ATAD2B: variants seen among roughly 807,000 people sequenced by gnomAD.
The protein encoded by ATAD2B is ATPase family AAA domain containing 2B, also known as ATPase family AAA domain-containing protein 2B.
ATAD2B carries 40 observed loss-of-function variants against 167.6 expected under a neutral mutation model. That is an observed-to-expected ratio of 0.24 (90% CI 0.19 to 0.31). The LOEUF (loss-of-function observed/expected upper bound fraction) is 0.31, where lower values mean the gene tolerates loss of function less well. Among genes scored for constraint, ATAD2B ranks in the 10% least tolerant of loss-of-function variants. The pLI is 1.00. For missense variants in ATAD2B, 1,242 were observed against 1,757.2 expected, an observed-to-expected ratio of 0.71 and a Z score of 5.24; for synonymous variants, 579 against 596.5, an observed-to-expected ratio of 0.97 and a Z score of 0.43.
At chr2:23,924,390 G>C (rs1319457089) in intron 1 of ATAD2B, among the ~76,000 whole-genome samples, 3 of 152,224 alleles carry the variant, frequency 2.0e-5, no homozygotes, top group Non-Finnish European at 4.4e-5. Context: ...CACAGACATA[G>C]AGGGTGTCTT....
chr2:23,768,062 T>C (rs988179263), intron 22 of ATAD2B, among the ~76,000 whole-genome samples: 1 of 152,230 alleles, frequency 6.6e-6, no homozygotes, highest in Non-Finnish European at 1.5e-5. Flanking sequence ...AACAATTCTC[T>C]TTATGAACAA....
At chr2:23,790,123 G>A (rs1007784517) in intron 19 of ATAD2B, among the ~76,000 whole-genome samples, 8 of 152,104 alleles carry the variant, frequency 5.3e-5, no homozygotes, top group Non-Finnish European at 1.0e-4. Context: ...TTCTTTGAAA[G>A]TTCTGGAAGT....
At chr2:23,798,369 T>G (rs1464443730) in intron 18 of ATAD2B, 46 bp from the exon 19 acceptor site, 3 of 1,421,680 alleles carry the variant, frequency 2.1e-6, no homozygotes, top group Non-Finnish European at 2.9e-6. Flanking sequence ...AATTGATTAT[T>G]CTAAAGTCTA....
At chr2:23,926,449 C>T (rs1704837361) in intron 1 of ATAD2B, 106 bp downstream of exon 1, 6 of 1,435,916 alleles carry the variant, frequency 4.2e-6, no homozygotes, top group Non-Finnish European at 5.5e-6. Flanking sequence ...TCCAGCCGCC[C>T]GAGCGGTCTC....
downstream of ATAD2B, among the ~76,000 whole-genome samples, chr2:23,748,160 T>A (rs1675004582): frequency 6.6e-6 from 1 of 152,130 alleles, no homozygotes; most frequent in Non-Finnish European, 1.5e-5. Context: ...AAGATCAGTG[T>A]ACTACAGGAA....
intron 22 of ATAD2B, among the ~76,000 whole-genome samples, chr2:23,779,342 AT>A (rs1453577260): frequency 6.6e-6 from 1 of 151,278 alleles, no homozygotes; most frequent in Non-Finnish European, 1.5e-5. Flanking sequence ...CGCCTCGCTA[AT>A]TTTTTGTATT....
intron 8 of ATAD2B, among the ~76,000 whole-genome samples, chr2:23,874,620 T>C (rs182577060): frequency 6.4e-4 from 96 of 150,508 alleles, no homozygotes; most frequent in African/African-American, 2.1e-3. Context: ...GGAGGATTGT[T>C]TGAGTCCAGG....
chr2:23,855,812 C>G (rs975465095), intron 13 of ATAD2B, among the ~76,000 whole-genome samples: 6 of 152,104 alleles, frequency 3.9e-5, no homozygotes, highest in African/African-American at 1.4e-4. Flanking sequence ...TCACTTGGGC[C>G]TAGAAGTTTG....
At chr2:23,737,708 G>C in the ATAD2B span, among the ~76,000 whole-genome samples, 1 of 152,224 alleles carries the variant, frequency 6.6e-6, no homozygotes, top group Admixed American at 6.5e-5. Flanking sequence ...GAATGACTTT[G>C]ACAAGTTGAG....
chr2:23,860,906 G>A (rs1484966467), intron 12 of ATAD2B, among the ~76,000 whole-genome samples: 4 of 152,150 alleles, frequency 2.6e-5, no homozygotes, highest in African/African-American at 7.2e-5. Flanking sequence ...AGGAGGTGGA[G>A]GTTGCAGTGA....
chr2:23,702,038 G>T, the ATAD2B span, among the ~76,000 whole-genome samples: 1 of 151,234 alleles, frequency 6.6e-6, no homozygotes, highest in Non-Finnish European at 1.5e-5. Flanking sequence ...GGTGAGCCTG[G>T]TCTCGAACTC....
In ATAD2B at chr2:23,762,152, T is replaced by C. The variant is rs1384524630; in HGVS notation, c.3394+57A>G. The C allele has an allele frequency of 2.0e-5, 32 of 1,566,830 alleles. No homozygotes were observed. In the East Asian group the frequency reaches 5.3e-4, roughly 26 times the overall value. On this transcript the variant is annotated intron_variant, in intron 24 of 27. Transcript: ENST00000238789. The stretch of plus-strand genomic sequence containing the variant: ...TTTGTTTTGTACCCAATTCCTAACA[T>C]ATCTACATCATTCTCAGTTGTTCTC...
intron 1 of ATAD2B, among the ~76,000 whole-genome samples, chr2:23,915,704 G>T (rs143418024): frequency 7.0e-6 from 1 of 142,158 alleles, no homozygotes; most frequent in African/African-American, 2.6e-5. Flanking sequence ...CGATTCCCCT[G>T]CCTCAGCCTC....
intron 13 of ATAD2B, among the ~76,000 whole-genome samples, chr2:23,855,217 C>T (rs754344936): frequency 3.3e-5 from 5 of 150,046 alleles, no homozygotes; most frequent in African/African-American, 1.2e-4. Flanking sequence ...AACACAAGGA[C>T]TACAACACAA....
intron 16 of ATAD2B, among the ~76,000 whole-genome samples, chr2:23,822,263 G>A (rs1284424868): frequency 1.3e-5 from 2 of 152,294 alleles, no homozygotes; most frequent in Non-Finnish European, 2.9e-5. Context: ...GGCTGGGCGC[G>A]ATGACTCACA....
chr2:23,840,788 A>G (rs910783056), intron 13 of ATAD2B, among the ~76,000 whole-genome samples: 4 of 152,194 alleles, frequency 2.6e-5, no homozygotes, highest in African/African-American at 9.6e-5. Flanking sequence ...TGATCTATCA[A>G]TTACTGAGAG....
the ATAD2B span, among the ~76,000 whole-genome samples, chr2:23,718,207 G>A: frequency 5.3e-5 from 8 of 152,150 alleles, no homozygotes; most frequent in Admixed American, 1.3e-4. Context: ...GGGTGGGTTT[G>A]CCTTTTACTC....
intron 13 of ATAD2B, among the ~76,000 whole-genome samples, chr2:23,849,363 T>G (rs1264029527): frequency 6.6e-6 from 1 of 152,200 alleles, no homozygotes; most frequent in Admixed American, 6.5e-5. Context: ...CATTTCATAA[T>G]ATAAGAAAGC....
At chr2:23,779,711 A>T (rs1271793222) in intron 22 of ATAD2B, among the ~76,000 whole-genome samples, 1 of 152,160 alleles carries the variant, frequency 6.6e-6, no homozygotes, top group Non-Finnish European at 1.5e-5. Context: ...GTTATATGAG[A>T]TCTACATATG....
Sources: gnomAD v4.1 joint callset for allele counts (sites outside exome capture counted in the v4.1 genomes callset) on GRCh38, gnomAD v4.1.1 for gene constraint, MANE v1.5 for transcripts, NCBI Gene and HGNC (gene_info 2026-07-23, HGNC 2026-07-21) for gene names.